SGIP1: variants seen among roughly 807,000 people sequenced by gnomAD.
SGIP1 encodes the protein SH3-containing GRB2-like protein 3-interacting protein 1.
A neutral mutation model predicts 107.5 loss-of-function variants in SGIP1; 38 were observed. The ratio of observed to expected loss-of-function variants is 0.35; its 90% CI spans 0.27 to 0.46. SGIP1 has a LOEUF of 0.46. SGIP1 is among the 20% of genes least tolerant of loss of function. SGIP1 has a pLI of 1.00. For synonymous variants in SGIP1, 365 were observed against 366.1 expected (o/e 1.00, Z 0.03); for missense variants, 929 against 1,019.5 (o/e 0.91, Z 1.21).
chr1:66,737,132 A>AT (rs1279668985), intron 21 of SGIP1, among the ~76,000 whole-genome samples: 2 of 152,084 alleles, frequency 1.3e-5, no homozygotes, highest in African/African-American at 4.8e-5. Flanking sequence ...TCTAAATGTA[A>AT]TTTTTTCTCT....
intron 2 of SGIP1, among the ~76,000 whole-genome samples, chr1:66,632,583 G>T (rs2074998289): frequency 6.6e-6 from 1 of 152,182 alleles, no homozygotes; most frequent in African/African-American, 2.4e-5. Flanking sequence ...AGGCTGGGTA[G>T]TACGCTTTTG....
At chr1:66,564,835 A>G (rs568465809) in intron 1 of SGIP1, among the ~76,000 whole-genome samples, 2 of 152,062 alleles carry the variant, frequency 1.3e-5, no homozygotes, top group South Asian at 4.1e-4. Context: ...GGGAAATGAG[A>G]TTTTACACCT....
chr1:66,725,616 A>G (rs1229789663), intron 19 of SGIP1, among the ~76,000 whole-genome samples: 1 of 152,234 alleles, frequency 6.6e-6, no homozygotes, highest in African/African-American at 2.4e-5. Flanking sequence ...GTAACAGACC[A>G]ATTTACCCTT....
At chr1:66,601,124 C>G (rs2065716967) in intron 1 of SGIP1, among the ~76,000 whole-genome samples, 2 of 152,038 alleles carry the variant, frequency 1.3e-5, no homozygotes, top group Admixed American at 6.5e-5. Flanking sequence ...AGCACTTTGG[C>G]AGGCCGAGGC....
chr1:66,668,547 C>A (rs915304035), intron 9 of SGIP1, among the ~76,000 whole-genome samples: 2 of 152,130 alleles, frequency 1.3e-5, no homozygotes, highest in Admixed American at 6.5e-5. Flanking sequence ...TTGAAATGAT[C>A]CCCATTTACC....
At chr1:66,581,585 C>T (rs902632688) in intron 1 of SGIP1, among the ~76,000 whole-genome samples, 1 of 151,980 alleles carries the variant, frequency 6.6e-6, no homozygotes, top group Admixed American at 6.6e-5. Context: ...TTAAATCCAT[C>T]TCTATAAAAA....
chr1:66,605,910 C>T (rs1341966765), intron 1 of SGIP1, among the ~76,000 whole-genome samples: 2 of 152,140 alleles, frequency 1.3e-5, no homozygotes, highest in Non-Finnish European at 1.5e-5. Flanking sequence ...TCGATTGCTT[C>T]GCGGTTCAGC....
chr1:66,700,624 T>TCATTTC (rs2091768413), intron 18 of SGIP1, among the ~76,000 whole-genome samples: 2 of 147,670 alleles, frequency 1.4e-5, no homozygotes, highest in Non-Finnish European at 3.0e-5. Context: ...GTACTATGTA[T>TCATTTC]AATAATCAAA....
At chr1:66,727,069 C>A (rs1412600653) in intron 19 of SGIP1, among the ~76,000 whole-genome samples, 1 of 152,142 alleles carries the variant, frequency 6.6e-6, no homozygotes, top group East Asian at 1.9e-4. Flanking sequence ...TTAGATATAA[C>A]CCATAAAAGA....
Position 66,745,898 on chromosome 1 carries a change from A to C in SGIP1, c.*2803A>C, listed in dbSNP as rs2094546163. 6.6e-6 allele frequency: 1 copy of C among 152,150 alleles called. No individual in the cohort carries two copies. The highest frequency in any genetic ancestry group is 1.9e-4 in the East Asian group (1 of 5,200). The allele number at this position is 152,150 out of a possible 1,614,324, so 9.4% of individuals were successfully genotyped here. A position where few individuals can be genotyped will look rare whatever the true frequency, so the allele number is the denominator to read the frequency against. Reference sequence around the variant, plus strand: ...AATTTTATCATAATAGAAATTTATAATTACTAAGAATTAAATTTTTAATCA... The same window carrying C: ...AATTTTATCATAATAGAAATTTATACTTACTAAGAATTAAATTTTTAATCA... On this transcript the variant is annotated 3_prime_UTR_variant, in exon 25 of 25. Coordinates refer to ENST00000371037, the MANE Select transcript of SGIP1 (RefSeq NM_032291.4).
chr1:66,710,338 G>A (rs1271081883), intron 18 of SGIP1, among the ~76,000 whole-genome samples: 2 of 152,064 alleles, frequency 1.3e-5, no homozygotes, highest in African/African-American at 4.8e-5. Context: ...GCCTGAAACT[G>A]TATGTTACAT....
intron 2 of SGIP1, 89 bp from the exon 3 acceptor site, chr1:66,632,981 G>A (rs7531750): frequency 0.13 from 108,655 of 827,562 alleles, 7,522 homozygotes; most frequent in East Asian, 0.16. Context: ...AGGGGAGGAT[G>A]GTGGTTATTG....
chr1:66,697,276 T>G (rs1244786750), intron 18 of SGIP1, among the ~76,000 whole-genome samples: 1 of 152,196 alleles, frequency 6.6e-6, no homozygotes, highest in Non-Finnish European at 1.5e-5. Flanking sequence ...ATGTGTGGAA[T>G]AACATATCAC....
chr1:66,650,383 A>G (rs1272820126), intron 7 of SGIP1, among the ~76,000 whole-genome samples: 1 of 152,166 alleles, frequency 6.6e-6, no homozygotes, highest in Admixed American at 6.6e-5. Context: ...TCATTTCACA[A>G]AATATATGTT....
At chr1:66,565,865 A>C (rs1204127711) in intron 1 of SGIP1, among the ~76,000 whole-genome samples, 1 of 152,028 alleles carries the variant, frequency 6.6e-6, no homozygotes, top group Non-Finnish European at 1.5e-5. Flanking sequence ...TTCAAGAAAA[A>C]CATTATTAAT....
chr1:66,611,237 T>C (rs2067934388), intron 1 of SGIP1, among the ~76,000 whole-genome samples: 1 of 152,242 alleles, frequency 6.6e-6, no homozygotes, highest in African/African-American at 2.4e-5. Flanking sequence ...AGCTAACCTG[T>C]GAGATAAGAT....
chr1:66,710,608 A>G (rs2092849656), intron 18 of SGIP1, among the ~76,000 whole-genome samples: 1 of 152,140 alleles, frequency 6.6e-6, no homozygotes, highest in Non-Finnish European at 1.5e-5. Context: ...ATCCCCACCC[A>G]TTACATGAAT....
chr1:66,679,663 C>A lies in SGIP1; in HGVS notation c.740-15C>A. 6.2e-7 allele frequency: 1 copy of A among 1,601,798 alleles called. No homozygotes were observed. The highest frequency in any genetic ancestry group is 8.5e-7 in the Non-Finnish European group (1 of 1,176,356). ...GCACATGACCAATGATACTTAATTTCTCATCTTTTTGCAGCACCTCCACCA... is the reference window on the plus strand; with the variant it reads ...GCACATGACCAATGATACTTAATTTATCATCTTTTTGCAGCACCTCCACCA... On this transcript the variant is annotated splice_polypyrimidine_tract_variant and intron_variant, in intron 13 of 24. Transcript: ENST00000371037.
chr1:66,651,225 T>G (rs1278574172), intron 7 of SGIP1, among the ~76,000 whole-genome samples: 1 of 152,222 alleles, frequency 6.6e-6, no homozygotes, highest in African/African-American at 2.4e-5. Flanking sequence ...GGTGATGAAT[T>G]TGGTAGTGGC....
Sources: allele counts gnomAD v4.1 joint callset (sites outside exome capture counted in the v4.1 genomes callset), GRCh38; gene constraint gnomAD v4.1.1; transcripts MANE v1.5; gene names NCBI Gene and HGNC (gene_info 2026-07-23, HGNC 2026-07-21).